The following KIF19 variants were observed in gnomAD, a reference collection of about 807,000 sequenced individuals.
KIF19 encodes kinesin family member 19.
KIF19 carries 98 observed loss-of-function variants against 106.6 expected under a neutral mutation model. The observed-to-expected ratio is 0.92, with a 90% CI of 0.78 to 1.09. The LOEUF is 1.09. Among genes scored for constraint, KIF19 ranks in the 50% least tolerant of loss-of-function variants. The pLI, the probability that KIF19 is intolerant of heterozygous loss-of-function variation, is 0.00. For missense variants in KIF19, 1,373 were observed against 1,414.3 expected (o/e 0.97, Z 0.47); for synonymous variants, 516 against 584.2 (o/e 0.88, Z 1.68).
chr17:74,352,146 C>A lies in KIF19; in HGVS notation c.1858+9C>A. On this transcript the variant is annotated intron_variant, in intron 13 of 19. Coordinates refer to ENST00000389916, the MANE Select transcript of KIF19 (RefSeq NM_153209.4). ...GCGGCAGATCATCGACGGTAGGGCCCACGCCCCCGCGCATCTGAGCCACCC... is the reference window on the plus strand; with the variant it reads ...GCGGCAGATCATCGACGGTAGGGCCAACGCCCCCGCGCATCTGAGCCACCC... 1.3e-6 allele frequency: 2 copies of A among 1,583,600 alleles called. No homozygotes were observed. The highest frequency in any genetic ancestry group is 8.6e-7 in the Non-Finnish European group (1 of 1,162,300).
rs201015513 is a variant in KIF19 at position 74,349,387 on chromosome 17, G to A, written c.1213+38G>A. On this transcript the variant is annotated intron_variant, in intron 10 of 19. Coordinates refer to ENST00000389916, the MANE Select transcript of KIF19 (RefSeq NM_153209.4). ...GTCTGTGTGAGTGGCAGCCCCCTCC[G>A]GCCAGCCTCACGTTGCTCTGGGATC... is the stretch of plus-strand genomic sequence containing the variant. 3.3e-4 allele frequency: 503 copies of A among 1,543,190 alleles called. 6 individuals are homozygous for A. In the East Asian group the frequency reaches 8.6e-3, roughly 26 times the overall value.
intron 4 of KIF19, 42 bp from the exon 5 acceptor site, chr17:74,342,982 C>G: frequency 6.6e-6 from 9 of 1,369,644 alleles, no homozygotes; most frequent in African/African-American, 1.4e-5. Flanking sequence ...AGGCCTCCCT[C>G]CCAGCCCCAC....
chr17:74,354,784 C>A lies in KIF19; in HGVS notation c.2709C>A (p.Leu903=), dbSNP rs766144681. The part of the protein sequence containing the change: ...SRSFEVTGQG[L]SHPKTHLLGP... The stretch of plus-strand genomic sequence containing the variant: ...ACCCCACTGTTCAACCATCACAGCT[C>A]TCCCACCCCAAGACACACCTCCTGG... Residue 903 remains leucine, a splice_region_variant and synonymous_variant, in exon 19 of 20, where the codon CTC becomes CTA. Transcript: ENST00000389916. 1.9e-6 allele frequency: 3 copies of A among 1,555,738 alleles called. No individual in the cohort carries two copies. The highest frequency in any genetic ancestry group is 2.6e-6 in the Non-Finnish European group (3 of 1,149,270).
rs1468258593 is a variant in KIF19 at position 74,353,509 on chromosome 17, A to T, written c.2236A>T (p.Ser746Cys). Residue 746 changes from serine (S) to cysteine (C), a missense_variant, in exon 17 of 20, where the codon AGC becomes TGC. This residue lies in a region of KIF19 where 1,020 missense variants were observed against 1,008.2 expected (regional missense o/e 1.01). Transcript: ENST00000389916. ...CACCCCACAGGCCCCGGCTCAGGACAGCCTGGGCAGCTGGATCAACTCTTC... is the reference window on the plus strand; with the variant it reads ...CACCCCACAGGCCCCGGCTCAGGACTGCCTGGGCAGCTGGATCAACTCTTC... ...LVTQEAPAQDSLGSWINSSPD... is the reference protein window; with the variant it reads ...LVTQEAPAQDCLGSWINSSPD... 6.2e-7 allele frequency: 1 copy of T among 1,613,872 alleles called. No homozygotes were observed. The highest frequency in any genetic ancestry group is 2.2e-5 in the East Asian group (1 of 44,890).
chr17:74,349,112 C>A, intron 9 of KIF19, 72 bp from the exon 10 acceptor site: 4 of 1,528,420 alleles, frequency 2.6e-6, no homozygotes, highest in Admixed American at 3.5e-5. Context: ...GGAAGAAAGG[C>A]CCTGCAGGCA....
chr17:74,342,084 G>A (rs57644970), intron 3 of KIF19, 98 bp downstream of exon 3: 1 of 824,324 alleles, frequency 1.2e-6, no homozygotes, highest in African/African-American at 1.7e-5. Context: ...TTGAACCTCA[G>A]CCTCCACTCC....
intron 2 of KIF19, among the ~76,000 whole-genome samples, chr17:74,340,555 G>GCGCGCGCACACACACACACA: frequency 6.7e-6 from 1 of 148,210 alleles, no homozygotes; most frequent in Non-Finnish European, 1.5e-5. Context: ...ATGCGCGCGC[G>GCGCGCGCACACACACACACA]TACACACACA....
rs1347985827 is a variant in KIF19, at chr17:74,344,968, C to T, written c.777+13C>T. ...GCGCGCCTCGCAGGTGAGGCTGGGA[C>T]CTGGGCTGGGCAGAGGAGGGAGGGT... On this transcript the variant is annotated intron_variant, in intron 7 of 19. Coordinates refer to ENST00000389916, the MANE Select transcript of KIF19 (RefSeq NM_153209.4). The T allele has an allele frequency of 1.3e-6, 2 of 1,590,364 alleles. No homozygotes were observed. Among genetic ancestry groups the T allele is most frequent in the Non-Finnish European group, 1.7e-6 (2 of 1,171,382 alleles).
At chr17:74,337,995 G>A (rs1412000933) in intron 2 of KIF19, among the ~76,000 whole-genome samples, 1 of 152,264 alleles carries the variant, frequency 6.6e-6, no homozygotes, top group Non-Finnish European at 1.5e-5. Flanking sequence ...GGGGATCGTG[G>A]CAGCTGTGCT....
At chr17:74,351,660 G>A (rs1486837723) in intron 12 of KIF19, among the ~76,000 whole-genome samples, 3 of 152,108 alleles carry the variant, frequency 2.0e-5, no homozygotes, top group Admixed American at 1.3e-4. Flanking sequence ...GGTGGTTTGC[G>A]GTCAGGATAG....
chr17:74,340,056 A>T (rs1221780570), intron 2 of KIF19, among the ~76,000 whole-genome samples: 1 of 152,136 alleles, frequency 6.6e-6, no homozygotes, highest in Non-Finnish European at 1.5e-5. Flanking sequence ...GCCCAAGCAC[A>T]TTACACGTTG....
At chr17:74,349,157 C>T in intron 9 of KIF19, 27 bp from the exon 10 acceptor site, 1 of 1,613,260 alleles carries the variant, frequency 6.2e-7, no homozygotes, top group Non-Finnish European at 8.5e-7. Flanking sequence ...GACTGCATCC[C>T]CTCCGCTCCA....
In KIF19 at chr17:74,354,811, GC is replaced by G; in HGVS notation, c.2740del (p.His914IlefsTer116). On this transcript the variant is annotated frameshift_variant, in exon 19 of 20. Coordinates refer to ENST00000389916, the MANE Select transcript of KIF19 (RefSeq NM_153209.4). LOFTEE classifies it high-confidence loss of function. ...LSHPKTHLLG[P>X]HQAERISDHR... ...CCCACCCCAAGACACACCTCCTGGG[GC>G]CCCATCAGGCGGAGCGCATCTCGGA... The G allele has an allele frequency of 6.4e-7, 1 of 1,559,580 alleles. No individual in the cohort carries two copies. Among genetic ancestry groups the G allele is most frequent in the Non-Finnish European group, 8.7e-7 (1 of 1,151,924 alleles).
intron 10 of KIF19, among the ~76,000 whole-genome samples, 172 bp from the exon 11 acceptor site, chr17:74,350,229 G>C (rs1598395613): frequency 6.6e-6 from 1 of 152,222 alleles, no homozygotes; most frequent in Non-Finnish European, 1.5e-5. Flanking sequence ...CAATGTGGGA[G>C]TGGGGTCTGG....
intron 2 of KIF19, among the ~76,000 whole-genome samples, chr17:74,340,357 C>A (rs1284220265): frequency 2.6e-5 from 4 of 152,210 alleles, no homozygotes; most frequent in Non-Finnish European, 5.9e-5. Flanking sequence ...ACGCAGCCTC[C>A]TTCCTCTGCA....
Position 74,341,257 on chromosome 17 carries a change from G to T in KIF19, c.121-619G>T, listed in dbSNP as rs569997881. ...TCACTGAACCCAGGAGGTGGAGGTT[G>T]CAGTGAGCCGAGATCACACCACTGC... On this transcript the variant is annotated intron_variant, in intron 2 of 19. Transcript: ENST00000389916. Among the ~76,000 whole-genome samples the T allele has an allele frequency of 4.6e-5, 7 of 152,264 alleles. No individual in the cohort carries two copies. The South Asian group carries it at 1.5e-3, about 32-fold the overall frequency.
At chr17:74,327,033 G>A (rs1567892278) in intron 1 of KIF19, among the ~76,000 whole-genome samples, 1 of 152,186 alleles carries the variant, frequency 6.6e-6, no homozygotes, top group Non-Finnish European at 1.5e-5. Context: ...ATCATCAGTG[G>A]TGCCTGGGCC....
At chr17:74,349,682 C>G (rs1351402274) in intron 10 of KIF19, among the ~76,000 whole-genome samples, 2 of 152,236 alleles carry the variant, frequency 1.3e-5, no homozygotes, top group Non-Finnish European at 2.9e-5. Context: ...GCCTGCACCC[C>G]CGGAATGGGC....
At chr17:74,337,351 G>GCCT (rs1273363054) in intron 2 of KIF19, among the ~76,000 whole-genome samples, 6 of 124,872 alleles carry the variant, frequency 4.8e-5, no homozygotes, top group African/African-American at 1.8e-4. Flanking sequence ...TGGGGGGGGT[G>GCCT]CCTGGGTGGG....
Sources: gnomAD v4.1 joint callset for allele counts (sites outside exome capture counted in the v4.1 genomes callset) on GRCh38, gnomAD v4.1.1 for gene constraint, gnomAD v4.1.1 regional missense constraint, MANE v1.5 for transcripts, NCBI Gene and HGNC (gene_info 2026-07-23, HGNC 2026-07-21) for gene names.